Variants in FOLR1 observed in about 807,000 individuals in gnomAD.
FOLR1 encodes folate receptor alpha, also known as KB cells FBP.
In FOLR1, 11 loss-of-function variants were observed where a neutral mutation model predicts 22.8. The ratio of observed to expected loss-of-function variants is 0.48; its 90% CI spans 0.30 to 0.80. FOLR1 has a LOEUF of 0.80. FOLR1 is among the 30% of genes least tolerant of loss of function. The probability of loss-of-function intolerance (pLI) is 0.06; values close to 1 mark genes in which losing one functional copy is unlikely to be tolerated. For synonymous variants in FOLR1, 108 were observed against 116.5 expected (o/e 0.93, Z 0.47); for missense variants, 273 against 320.3 (o/e 0.85, Z 1.13).
At chr11:72,191,266 A>G (rs541246031), upstream of FOLR1, among the ~76,000 whole-genome samples, 1 of 152,050 alleles carries the variant, frequency 6.6e-6, no homozygotes, top group East Asian at 1.9e-4. Flanking sequence ...AACTAGCTTG[A>G]GTGATGAGGC....
At chr11:72,194,212 A>T (rs1948196373) in intron 1 of FOLR1, among the ~76,000 whole-genome samples, 1 of 152,198 alleles carries the variant, frequency 6.6e-6, no homozygotes. Context: ...TTTTTAAGGA[A>T]AAAGATTAGT....
intron 1 of FOLR1, among the ~76,000 whole-genome samples, chr11:72,194,556 C>T (rs1437640555): frequency 1.3e-5 from 2 of 152,182 alleles, no homozygotes; most frequent in African/African-American, 2.4e-5. Flanking sequence ...CCAGCCACCA[C>T]GCCCGGCTAA....
At chr11:72,194,269 T>C (rs1948196967) in intron 1 of FOLR1, among the ~76,000 whole-genome samples, 1 of 152,188 alleles carries the variant, frequency 6.6e-6, no homozygotes, top group South Asian at 2.1e-4. Flanking sequence ...CATCCACAAT[T>C]GATTGGCTAT....
At chr11:72,193,193 C>T (rs1948179086) in intron 1 of FOLR1, among the ~76,000 whole-genome samples, 1 of 151,912 alleles carries the variant, frequency 6.6e-6, no homozygotes, top group South Asian at 2.1e-4. Flanking sequence ...AAAAATTAGT[C>T]AGGTGTGGTG....
At chr11:72,193,132 C>T (rs1200552472) in intron 1 of FOLR1, among the ~76,000 whole-genome samples, 1 of 151,908 alleles carries the variant, frequency 6.6e-6, no homozygotes, top group African/African-American at 2.4e-5. Flanking sequence ...CTCAGGAGTT[C>T]GAGACCAGCC....
upstream of FOLR1, among the ~76,000 whole-genome samples, chr11:72,191,066 C>G (rs991103650): frequency 6.6e-6 from 1 of 152,158 alleles, no homozygotes; most frequent in Non-Finnish European, 1.5e-5. Context: ...AAACAGTCGC[C>G]TCCCAAAATT....
chr11:72,194,877 A>C (rs1317837546), intron 1 of FOLR1, among the ~76,000 whole-genome samples: 2 of 152,166 alleles, frequency 1.3e-5, no homozygotes, highest in Non-Finnish European at 2.9e-5. Flanking sequence ...CAAATCTTTG[A>C]CACCTCAGTG....
intron 1 of FOLR1, among the ~76,000 whole-genome samples, chr11:72,194,188 C>A (rs1406016370): frequency 1.3e-5 from 2 of 152,144 alleles, no homozygotes; most frequent in South Asian, 2.1e-4. Flanking sequence ...AATTTTGCAG[C>A]CATCACAAGT....
intron 1 of FOLR1, among the ~76,000 whole-genome samples, chr11:72,193,503 G>A (rs1948184733): frequency 6.6e-6 from 1 of 151,930 alleles, no homozygotes; most frequent in South Asian, 2.1e-4. Flanking sequence ...GTGGAGTGCA[G>A]TGGCACAATC....
At chr11:72,191,839 C>T (rs578106982), upstream of FOLR1, among the ~76,000 whole-genome samples, 2 of 152,232 alleles carry the variant, frequency 1.3e-5, no homozygotes, top group South Asian at 4.2e-4. Context: ...TTGATGAAAT[C>T]CTAAAAAATT....
chr11:72,192,108 C>A (rs1030885433), upstream of FOLR1: 18 of 1,592,358 alleles, frequency 1.1e-5, no homozygotes, highest in Non-Finnish European at 1.4e-5. Flanking sequence ...GCCCTGCACA[C>A]AACTTAAGGC....
chr11:72,191,694 G>A (rs2135385038), upstream of FOLR1, among the ~76,000 whole-genome samples: 2 of 152,124 alleles, frequency 1.3e-5, no homozygotes, highest in Middle Eastern at 6.8e-3. Context: ...GAAGTAATTT[G>A]GTGTCAAAAT....
Position 72,194,469 on chromosome 11 carries a change from G to A in FOLR1, c.169-802G>A, listed in dbSNP as rs544895266. On this transcript the variant is annotated intron_variant, in intron 1 of 3. Coordinates refer to ENST00000393676, the MANE Select transcript of FOLR1 (RefSeq NM_016729.3). The stretch of plus-strand genomic sequence containing the variant: ...GGCTGGAGTGCAGTGGCATGATCTC[G>A]GCTCACTGCAAGCTCCACCTGCCGG... Among the ~76,000 whole-genome samples, 57 of 152,002 alleles carry A rather than the reference G, an allele frequency of 3.7e-4. 2 individuals carry two copies. The South Asian group carries it at 0.012, about 31-fold the overall frequency.
chr11:72,192,154 C>T lies in FOLR1; in HGVS notation c.-20C>T, dbSNP rs750887455. ...CATTCCTTGGTGCCACTGACCACAG[C>T]TCTTTCTTCAGGGACAGACATGGCT... On this transcript the variant is annotated 5_prime_UTR_variant, in exon 1 of 4. Transcript: ENST00000393676. 2.5e-6 allele frequency: 4 copies of T among 1,614,008 alleles called. No individual in the cohort carries two copies. The highest frequency in any genetic ancestry group is 3.4e-6 in the Non-Finnish European group (4 of 1,179,884).
intron 1 of FOLR1, among the ~76,000 whole-genome samples, chr11:72,193,758 C>A (rs1290919604): frequency 1.3e-5 from 2 of 150,222 alleles, no homozygotes; most frequent in South Asian, 4.3e-4. Flanking sequence ...CTGCGCCCGG[C>A]CTTAAGTGCA....
intron 1 of FOLR1, 22 bp downstream of exon 1, chr11:72,192,363 G>A: frequency 1.9e-6 from 3 of 1,613,508 alleles, no homozygotes; most frequent in Non-Finnish European, 1.7e-6. Context: ...GGTGATCTGG[G>A]GTGGTGAGGG....
intron 1 of FOLR1, among the ~76,000 whole-genome samples, chr11:72,193,468 T>C (rs187279544): frequency 2.6e-5 from 4 of 151,338 alleles, no homozygotes; most frequent in Admixed American, 2.0e-4. Flanking sequence ...TTTCTTGAGA[T>C]AGAGTTTTGC....
In FOLR1 at chr11:72,195,871, C is replaced by G. The variant is rs148427949; in HGVS notation, c.494-26C>G. The G allele has an allele frequency of 3.1e-6, 5 of 1,614,168 alleles. No individual in the cohort carries two copies. In the East Asian group the frequency reaches 1.1e-4, roughly 36 times the overall value. ...CTCAAGATAGTTCCGGGCCCAGTGG[C>G]TAAAGGTCTTCCCTCCTCTCTACAG... On this transcript the variant is annotated intron_variant, in intron 3 of 3. Transcript: ENST00000393676.
chr11:72,195,252 T>C lies in FOLR1; in HGVS notation c.169-19T>C, dbSNP rs199985397. The C allele has an allele frequency of 5.6e-6, 9 of 1,613,018 alleles. No homozygotes were observed. Among genetic ancestry groups the C allele is most frequent in the Non-Finnish European group, 2.5e-6 (3 of 1,179,254 alleles). ...GCTGTGCTGGCTGTGGACTGAGTCCTCTGTCTTCCCCCATCCAGTGTCGAC... is the reference window on the plus strand; with the variant it reads ...GCTGTGCTGGCTGTGGACTGAGTCCCCTGTCTTCCCCCATCCAGTGTCGAC... On this transcript the variant is annotated intron_variant, in intron 1 of 3. Coordinates refer to ENST00000393676, the MANE Select transcript of FOLR1 (RefSeq NM_016729.3).
Sources: allele counts gnomAD v4.1 joint callset (sites outside exome capture counted in the v4.1 genomes callset), GRCh38; gene constraint gnomAD v4.1.1; transcripts MANE v1.5; gene names NCBI Gene and HGNC (gene_info 2026-07-23, HGNC 2026-07-21).